Variants in CFAP92 observed in about 807,000 individuals in gnomAD.
CFAP92 encodes uncharacterized protein CFAP92.
A neutral mutation model predicts 106.3 loss-of-function variants in CFAP92; 86 were observed. The observed-to-expected ratio is 0.81, with a 90% CI of 0.68 to 0.97. The LOEUF is 0.97. Among genes scored for constraint, CFAP92 ranks in the 50% least tolerant of loss-of-function variants. The pLI is 0.00. For synonymous variants in CFAP92, 477 were observed against 506.4 expected (o/e 0.94, Z 0.78); for missense variants, 1,204 against 1,283.8 (o/e 0.94, Z 0.95).
chr3:128,960,272 C>T (rs915127054), intron 9 of CFAP92, among the ~76,000 whole-genome samples: 4 of 152,230 alleles, frequency 2.6e-5, no homozygotes, highest in Admixed American at 6.5e-5. Context: ...TGACTCGGAT[C>T]GGGGGACCTC....
In CFAP92 at chr3:128,977,032, C is replaced by G. The variant is rs752762513; in HGVS notation, c.843G>C (p.Lys281Asn). The G allele has an allele frequency of 7.4e-6, 12 of 1,613,726 alleles. No homozygotes were observed. In the East Asian group the frequency reaches 2.7e-4, roughly 36 times the overall value. ...GGGACTTCTCATATTCCTCACTGTT[C>G]TTGGAAGAAGTTTCGGGCTCTGCTT... is the stretch of plus-strand genomic sequence containing the variant. ...SHQAEPETSS[K>N]NSEEYEKSLK... The change falls in exon 6 of 16, where the codon AAG becomes AAC. Residue 281 changes from lysine to asparagine, a missense_variant. Physicochemically the swap from Lys to Asn is moderately conservative, Grantham distance 94 (BLOSUM62 0). Transcript: ENST00000645291.
rs201689045 is a variant in CFAP92, at chr3:128,993,082, A to G, written c.223T>C (p.Cys75Arg). The change falls in exon 2 of 16, where the codon TGC (cysteine) becomes CGC (arginine). Residue 75 changes from cysteine to arginine, a missense_variant. By Grantham distance (180) the Cys-to-Arg change is radical. Coordinates refer to ENST00000645291, the MANE Select transcript of CFAP92 (RefSeq NM_001394090.1). Reference sequence around the variant, plus strand: ...AAGGCCAGTGAGATGGTGAATTTGCAGGGGACCACGTGGGGCACGTCGGAG... The same window carrying G: ...AAGGCCAGTGAGATGGTGAATTTGCGGGGGACCACGTGGGGCACGTCGGAG... The part of the protein sequence containing the change: ...FSSDVPHVVP[C>R]KFTISLAFPV... 266 of 1,614,082 alleles carry G rather than the reference A, an allele frequency of 1.6e-4. 1 individual carries two copies. The Middle Eastern group carries it at 1.7e-3, about 10-fold the overall frequency.
chr3:129,024,125 G>C, the CFAP92 span, among the ~76,000 whole-genome samples: 1 of 152,232 alleles, frequency 6.6e-6, no homozygotes. Flanking sequence ...TCTGGTGAGA[G>C]AGAAACACCA....
chr3:129,006,972 TA>T (rs1945102815), upstream of CFAP92, among the ~76,000 whole-genome samples: 1 of 152,214 alleles, frequency 6.6e-6, no homozygotes, highest in Non-Finnish European at 1.5e-5. Context: ...CTTTTTCATG[TA>T]AGCTCATGGG....
At chr3:128,942,725 A>C (rs1279558924) in intron 10 of CFAP92, among the ~76,000 whole-genome samples, 2 of 151,090 alleles carry the variant, frequency 1.3e-5, no homozygotes, top group African/African-American at 2.4e-5. Flanking sequence ...CCCAGGCTGG[A>C]GTGCAGTGGC....
At chr3:129,003,644 T>G (rs970298973), upstream of CFAP92, 1 of 790,332 alleles carries the variant, frequency 1.3e-6, no homozygotes, top group Non-Finnish European at 1.7e-6. Context: ...GCACCGGACC[T>G]AAGGGCCTGG....
chr3:128,910,263 T>A lies in CFAP92; in HGVS notation c.*36A>T. On this transcript the variant is annotated 3_prime_UTR_variant, in exon 16 of 16. Coordinates refer to ENST00000645291, the MANE Select transcript of CFAP92 (RefSeq NM_001394090.1). ...TCGGGTGTGGGGGAGGCTGTGCAGG[T>A]TCACCATGCGGTGGCCGTGGGAGGG... 1 of 1,550,930 alleles carries A rather than the reference T, an allele frequency of 6.4e-7. No individual in the cohort carries two copies. Among genetic ancestry groups the A allele is most frequent in the Admixed American group, 1.9e-5 (1 of 52,866 alleles).
chr3:128,971,136 C>T, intron 8 of CFAP92, 151 bp downstream of exon 8: 1 of 1,250,418 alleles, frequency 8.0e-7, no homozygotes, highest in Non-Finnish European at 1.1e-6. Flanking sequence ...TCCCCCTGTA[C>T]TATGAAGCCA....
At chr3:128,946,072 C>G in intron 9 of CFAP92, 97 bp from the exon 10 acceptor site, 1 of 873,292 alleles carries the variant, frequency 1.1e-6, no homozygotes, top group Non-Finnish European at 1.6e-6. Context: ...GGCTCATTGC[C>G]TGTCCCTGTA....
intron 12 of CFAP92, among the ~76,000 whole-genome samples, chr3:128,925,677 A>C (rs1028115238): frequency 6.6e-6 from 1 of 152,248 alleles, no homozygotes; most frequent in Non-Finnish European, 1.5e-5. Flanking sequence ...AAACTTAAAA[A>C]AAATCAAGCT....
intron 10 of CFAP92, among the ~76,000 whole-genome samples, chr3:128,937,643 A>G (rs146176136): frequency 1.1e-3 from 167 of 151,742 alleles, no homozygotes; most frequent in African/African-American, 3.6e-3. Context: ...TCTGAGTAAG[A>G]TCAGATCATT....
chr3:129,012,012 C>G, the CFAP92 span, among the ~76,000 whole-genome samples: 1 of 152,248 alleles, frequency 6.6e-6, no homozygotes, highest in Non-Finnish European at 1.5e-5. Flanking sequence ...CTGCTACTTC[C>G]CACAGGTGGG....
chr3:129,001,866 C>T (rs1286698933), intron 1 of CFAP92: 1 of 1,546,134 alleles, frequency 6.5e-7, no homozygotes, highest in East Asian at 2.5e-5. Context: ...CGCCGACTTC[C>T]GAGCGCTCTG....
At chr3:128,916,308 T>TCA (rs1936814533) in intron 12 of CFAP92, 37 bp from the exon 13 acceptor site, 1 of 1,220,318 alleles carries the variant, frequency 8.2e-7, no homozygotes, top group Admixed American at 4.2e-5. Flanking sequence ...CCACACCAGG[T>TCA]CATCCTCACC....
chr3:128,997,600 AT>A (rs374027400), upstream of CFAP92, among the ~76,000 whole-genome samples: 50 of 152,264 alleles, frequency 3.3e-4, no homozygotes, highest in East Asian at 2.1e-3. Flanking sequence ...ACCTACCGTT[AT>A]GTTTCCAAGG....
chr3:128,926,495 G>C (rs1937661118), intron 12 of CFAP92, among the ~76,000 whole-genome samples: 3 of 152,156 alleles, frequency 2.0e-5, no homozygotes. Flanking sequence ...GGCTTGGGGA[G>C]AAAGCCTGAA....
intron 12 of CFAP92, among the ~76,000 whole-genome samples, chr3:128,932,123 T>TG (rs1236124531): frequency 6.6e-6 from 1 of 152,188 alleles, no homozygotes; most frequent in Non-Finnish European, 1.5e-5. Context: ...ATTGCAGGGA[T>TG]GGTAGGGCCT....
chr3:128,935,910 A>G (rs901438925), intron 10 of CFAP92, among the ~76,000 whole-genome samples: 11 of 152,088 alleles, frequency 7.2e-5, no homozygotes, highest in African/African-American at 1.4e-4. Flanking sequence ...AAAAGGATAG[A>G]AAAAAAACAA....
At chr3:128,966,151 C>A (rs576043758) in intron 8 of CFAP92, among the ~76,000 whole-genome samples, 1 of 152,328 alleles carries the variant, frequency 6.6e-6, no homozygotes, top group South Asian at 2.1e-4. Flanking sequence ...TAGGTAGCTA[C>A]TTGAATTGTA....
Sources: gnomAD v4.1 joint callset for allele counts (sites outside exome capture counted in the v4.1 genomes callset) on GRCh38, gnomAD v4.1.1 for gene constraint, MANE v1.5 for transcripts, NCBI Gene and HGNC (gene_info 2026-07-23, HGNC 2026-07-21) for gene names.